Variants in NKIRAS1 observed in about 807,000 individuals in gnomAD.
NKIRAS1 encodes NFKB inhibitor interacting Ras like 1, also known as NF-kappa-B inhibitor-interacting Ras-like protein 1.
NKIRAS1 carries 16 observed loss-of-function variants against 19.8 expected under a neutral mutation model. That is an observed-to-expected ratio of 0.81 (90% CI 0.55 to 1.23). The LOEUF is 1.23. Ranked by LOEUF, NKIRAS1 falls within the 50% of genes most tolerant of loss-of-function variation. NKIRAS1 has a pLI of 0.00. For synonymous variants in NKIRAS1, 88 were observed against 79.0 expected (o/e 1.11, Z -0.61); for missense variants, 184 against 220.0 (o/e 0.84, Z 1.04).
chr3:23,894,354 T>G (rs867995210), intron 4 of NKIRAS1, among the ~76,000 whole-genome samples: 1 of 152,210 alleles, frequency 6.6e-6, no homozygotes, highest in Non-Finnish European at 1.5e-5. Flanking sequence ...ACTACTGTCT[T>G]CCTTCCTGTC....
chr3:23,893,013 T>C lies in NKIRAS1; in HGVS notation c.*82A>G, dbSNP rs957367516. 2 of 1,414,026 alleles carry C rather than the reference T, an allele frequency of 1.4e-6. No individual in the cohort carries two copies. Among genetic ancestry groups the C allele is most frequent in the African/African-American group, 1.5e-5 (1 of 68,952 alleles). The allele number at this position is 1,414,026 out of a possible 1,614,324, so 87.6% of individuals were successfully genotyped here. A position where few individuals can be genotyped will look rare whatever the true frequency, so the allele number is the denominator to read the frequency against. Reference sequence around the variant, plus strand: ...CCAAAGGTAGATACAAATGGCCTATTTTAAATAGTAATATTACTCCATGTT... The same window carrying C: ...CCAAAGGTAGATACAAATGGCCTATCTTAAATAGTAATATTACTCCATGTT... On this transcript the variant is annotated 3_prime_UTR_variant, in exon 5 of 5. Transcript: ENST00000425478.
intron 1 of NKIRAS1, among the ~76,000 whole-genome samples, chr3:23,911,667 G>A (rs12631785): frequency 0.77 from 116,475 of 152,028 alleles, 45,447 homozygotes; most frequent in African/African-American, 0.9. Context: ...TGAGGATAAA[G>A]TTTTTAGAAA....
At chr3:23,924,237 A>C (rs1705169759) in intron 1 of NKIRAS1, 1 of 152,246 alleles carries the variant, frequency 6.6e-6, no homozygotes, top group Non-Finnish European at 1.5e-5. Flanking sequence ...TAACTAATTC[A>C]ATAAATAAAG....
At chr3:23,893,418 T>G in intron 4 of NKIRAS1, 81 bp from the exon 5 acceptor site, 5 of 1,281,028 alleles carry the variant, frequency 3.9e-6, no homozygotes, top group Non-Finnish European at 3.3e-6. Context: ...ATAAGGAAAA[T>G]TGTTCCACTT....
upstream of NKIRAS1, among the ~76,000 whole-genome samples, chr3:23,921,223 C>T (rs1402959545): frequency 1.3e-5 from 2 of 152,290 alleles, no homozygotes; most frequent in South Asian, 2.1e-4. Context: ...AAACCTTGTT[C>T]CTGTCCTTGC....
At chr3:23,917,604 T>C, upstream of NKIRAS1, 1 of 443,426 alleles carries the variant, frequency 2.3e-6, no homozygotes, top group East Asian at 4.4e-5. Flanking sequence ...TGCTCAGTTC[T>C]GGTTCTGTTA....
intron 4 of NKIRAS1, among the ~76,000 whole-genome samples, chr3:23,893,847 C>T (rs981520962): frequency 1.2e-4 from 16 of 131,192 alleles, no homozygotes; most frequent in African/African-American, 4.5e-4. Flanking sequence ...AGTTTGCTAA[C>T]TGTAAAAAAA....
At chr3:23,928,143 G>A (rs1017956676) in intron 1 of NKIRAS1, among the ~76,000 whole-genome samples, 2 of 146,916 alleles carry the variant, frequency 1.4e-5, no homozygotes, top group African/African-American at 5.1e-5. Flanking sequence ...CACACACACA[G>A]TTCATCTGAG....
At chr3:23,899,239 AC>A (rs1208160510) in intron 4 of NKIRAS1, among the ~76,000 whole-genome samples, 3 of 152,188 alleles carry the variant, frequency 2.0e-5, no homozygotes, top group Non-Finnish European at 4.4e-5. Context: ...GGTGATGGAA[AC>A]GTTCTGTGTC....
chr3:23,946,188 G>A, intron 1 of NKIRAS1: 1 of 985,382 alleles, frequency 1.0e-6, no homozygotes, highest in Non-Finnish European at 1.2e-6. Context: ...AGCCCCCGCG[G>A]CGGGGCGTCC....
intron 3 of NKIRAS1, among the ~76,000 whole-genome samples, chr3:23,907,739 G>A (rs1490837110): frequency 2.0e-5 from 3 of 152,014 alleles, no homozygotes; most frequent in Non-Finnish European, 4.4e-5. Flanking sequence ...CCTTAATGAA[G>A]CAATAAAAAT....
intron 1 of NKIRAS1, chr3:23,924,248 T>A (rs1448215418): frequency 6.6e-6 from 1 of 152,212 alleles, no homozygotes; most frequent in Non-Finnish European, 1.5e-5. Flanking sequence ...ATAAATAAAG[T>A]TGAGCATTAT....
chr3:23,940,168 CA>C (rs1293108063), intron 1 of NKIRAS1, among the ~76,000 whole-genome samples: 10,003 of 71,292 alleles, frequency 0.14, 492 homozygotes, highest in African/African-American at 0.24. Flanking sequence ...CCATCTCTAC[CA>C]AAAAAAAAAA....
intron 1 of NKIRAS1, among the ~76,000 whole-genome samples, chr3:23,937,278 C>T (rs1429434413): frequency 1.3e-5 from 2 of 151,440 alleles, no homozygotes; most frequent in African/African-American, 2.4e-5. Flanking sequence ...GGCTGAGGCA[C>T]GAGAATCGCC....
upstream of NKIRAS1, chr3:23,918,751 A>G (rs185665988): frequency 4.0e-6 from 3 of 755,828 alleles, no homozygotes; most frequent in African/African-American, 3.5e-5. Context: ...CTTTGTTACA[A>G]ATGCGTGTGT....
At chr3:23,920,634 T>C (rs1705026504), upstream of NKIRAS1, 3 of 985,172 alleles carry the variant, frequency 3.0e-6, no homozygotes, top group Non-Finnish European at 3.6e-6. Context: ...GCTGACTTAA[T>C]TTAAATGCTC....
At chr3:23,920,504 A>G, upstream of NKIRAS1, 1 of 985,126 alleles carries the variant, frequency 1.0e-6, no homozygotes, top group Non-Finnish European at 1.2e-6. Context: ...TGAGTATACC[A>G]CCACATTGCA....
Position 23,946,199 on chromosome 3 carries a change from C to T in NKIRAS1, c.-140+124G>A, listed in dbSNP as rs555372752. ...GCTGAGCCCCCGCGGCGGGGCGTCC[C>T]CGAAGCGGGCGCTGACACCGCAGTG... is the stretch of plus-strand genomic sequence containing the variant. On this transcript the variant is annotated intron_variant, in intron 1 of 4. Transcript: ENST00000421515. 13 of 985,364 alleles carry T rather than the reference C, an allele frequency of 1.3e-5. No individual in the cohort carries two copies. The South Asian group carries it at 2.3e-4, about 18-fold the overall frequency. 61.0% of individuals were successfully genotyped at this position (985,364 alleles called of 1,614,324 possible).
intron 1 of NKIRAS1, among the ~76,000 whole-genome samples, chr3:23,945,012 G>A (rs1705596056): frequency 6.6e-6 from 1 of 152,182 alleles, no homozygotes; most frequent in South Asian, 2.1e-4. Flanking sequence ...CAGCCGGGAG[G>A]AGAGGAAAGA....
Sources: gnomAD v4.1 joint callset for allele counts (sites outside exome capture counted in the v4.1 genomes callset) on GRCh38, gnomAD v4.1.1 for gene constraint, MANE v1.5 for transcripts, NCBI Gene and HGNC (gene_info 2026-07-23, HGNC 2026-07-21) for gene names.